Variants in PI4KB observed in about 807,000 individuals in gnomAD.
PI4KB encodes the protein phosphatidylinositol 4-kinase beta, also known as PtdIns 4-kinase beta.
PI4KB carries 23 observed loss-of-function variants against 81.4 expected under a neutral mutation model. That is an observed-to-expected ratio of 0.28 (90% CI 0.20 to 0.40). PI4KB has a LOEUF of 0.40. PI4KB is among the 10% of genes least tolerant of loss of function. The pLI is 1.00. For synonymous variants in PI4KB, 381 were observed against 406.8 expected (o/e 0.94, Z 0.76); for missense variants, 651 against 1,036.6 (o/e 0.63, Z 5.11).
Position 151,301,796 on chromosome 1 carries a change from TG to T in PI4KB, c.1749+47del. On this transcript the variant is annotated intron_variant, in intron 8 of 11. Coordinates refer to ENST00000368873, the MANE Select transcript of PI4KB (RefSeq NM_001369623.2). ...ATCCACCCGCCTCGGCCTCCCAGAG[TG>T]CTGGGATTACAGCCACTGTGCCTGG... 4 of 1,574,828 alleles carry T rather than the reference TG, an allele frequency of 2.5e-6. No individual in the cohort carries two copies. In the African/African-American group the frequency reaches 4.0e-5, roughly 16 times the overall value.
At chr1:151,326,628 G>A (rs548610480) in intron 1 of PI4KB, among the ~76,000 whole-genome samples, 57 of 152,326 alleles carry the variant, frequency 3.7e-4, no homozygotes, top group African/African-American at 1.3e-3. Context: ...TCCCAGAGAA[G>A]AGTGAGGACT....
Position 151,319,512 on chromosome 1 carries a change from G to A in PI4KB, c.-28-3003C>T, listed in dbSNP as rs113265846. Among the ~76,000 whole-genome samples, 14 of 152,254 alleles carry A rather than the reference G, an allele frequency of 9.2e-5. 1 individual carries two copies. Among genetic ancestry groups the A allele is most frequent in the African/African-American group, 3.4e-4 (14 of 41,528 alleles). On this transcript the variant is annotated intron_variant, in intron 1 of 11. Coordinates refer to ENST00000368873, the MANE Select transcript of PI4KB (RefSeq NM_001369623.2). ...AACAACTGGAGGGACAATTGAAAAGGCAAAAAGAAATCAGACTAGGACTCA... is the reference window on the plus strand; with the variant it reads ...AACAACTGGAGGGACAATTGAAAAGACAAAAAGAAATCAGACTAGGACTCA...
intron 8 of PI4KB, among the ~76,000 whole-genome samples, chr1:151,301,439 C>T (rs1405011176): frequency 1.3e-5 from 2 of 152,000 alleles, no homozygotes; most frequent in African/African-American, 4.8e-5. Flanking sequence ...GTTCTGTCGC[C>T]CAGGCTGGAG....
At position 151,315,688 on chromosome 1, in the gene PI4KB, A is replaced by G. The variant is rs1264073322; in HGVS notation, c.794T>C (p.Leu265Pro). The G allele has an allele frequency of 6.2e-7, 1 of 1,614,070 alleles. No homozygotes were observed. The highest frequency in any genetic ancestry group is 2.2e-5 in the East Asian group (1 of 44,872). ...PSLSPAPDTG[L>P]SPSKRTHQRS... The stretch of plus-strand genomic sequence containing the variant: ...CTGGTGAGTCCTTTTGGAGGGAGAC[A>G]GCCCTGTGTCAGGGGCCGGGCTCAA... Residue 265 changes from leucine (L) to proline (P), a missense_variant, in exon 2 of 12, where the codon CTG becomes CCG. Leu to Pro is a moderately conservative substitution (Grantham distance 98). Coordinates refer to ENST00000368873, the MANE Select transcript of PI4KB (RefSeq NM_001369623.2).
At chr1:151,297,517 G>A (rs1035964918) in intron 9 of PI4KB, among the ~76,000 whole-genome samples, 21 of 150,726 alleles carry the variant, frequency 1.4e-4, no homozygotes, top group African/African-American at 4.9e-4. Context: ...ATGTATGTAT[G>A]TATGTGTATG....
At chr1:151,297,866 C>T (rs1694939308) in intron 9 of PI4KB, among the ~76,000 whole-genome samples, 1 of 152,124 alleles carries the variant, frequency 6.6e-6, no homozygotes, top group East Asian at 1.9e-4. Context: ...AATGGGCCAC[C>T]ATGTTACTGG....
Position 151,310,338 on chromosome 1 carries a change from A to G in PI4KB, c.910-83T>C, listed in dbSNP as rs587595267. ...GACAAAGGTAAAGAATTTAGCTCCA[A>G]CTTGGATCGTAACTGCTTCTCTAGT... On this transcript the variant is annotated intron_variant, in intron 2 of 11. Coordinates refer to ENST00000368873, the MANE Select transcript of PI4KB (RefSeq NM_001369623.2). The G allele has an allele frequency of 6.2e-5, 55 of 887,224 alleles. No homozygotes were observed. The East Asian group carries it at 1.2e-3, about 19-fold the overall frequency. The allele number at this position is 887,224 out of a possible 1,614,324, so 55.0% of individuals were successfully genotyped here. A position where few individuals can be genotyped will look rare whatever the true frequency, so the allele number is the denominator to read the frequency against.
chr1:151,315,679 G>A lies in PI4KB; in HGVS notation c.803C>T (p.Ser268Phe). The change falls in exon 2 of 12, where the codon TCC becomes TTC. Residue 268 changes from serine to phenylalanine, a missense_variant. Ser to Phe is a radical substitution (Grantham distance 155). This residue lies in a region of PI4KB where 314 missense variants were observed against 397.8 expected (regional missense o/e 0.79). Coordinates refer to ENST00000368873, the MANE Select transcript of PI4KB (RefSeq NM_001369623.2). ...SPAPDTGLSP[S>F]KRTHQRSKSD... ...CTTAGAGCGCTGGTGAGTCCTTTTG[G>A]AGGGAGACAGCCCTGTGTCAGGGGC... 1.2e-6 allele frequency: 2 copies of A among 1,614,108 alleles called. No individual in the cohort carries two copies. Among genetic ancestry groups the A allele is most frequent in the Non-Finnish European group, 1.7e-6 (2 of 1,179,988 alleles).
intron 9 of PI4KB, chr1:151,298,458 T>A (rs1694983944): frequency 4.0e-6 from 1 of 250,490 alleles, no homozygotes; most frequent in South Asian, 5.8e-5. Context: ...CCTACTCCAC[T>A]GCCATGCAGT....
intron 1 of PI4KB, among the ~76,000 whole-genome samples, chr1:151,325,125 G>A (rs1571235596): frequency 6.6e-6 from 1 of 151,898 alleles, no homozygotes; most frequent in Admixed American, 6.6e-5. Context: ...CGGAGTAGCT[G>A]GGATTACAGA....
At chr1:151,316,937 C>T (rs1228371942) in intron 1 of PI4KB, among the ~76,000 whole-genome samples, 2 of 152,054 alleles carry the variant, frequency 1.3e-5, no homozygotes, top group Non-Finnish European at 2.9e-5. Flanking sequence ...ATTCTCCTGC[C>T]TCAGCCTCCC....
Position 151,310,209 on chromosome 1 carries a change from A to C in PI4KB, c.954+2T>G, listed in dbSNP as rs1470453791. ...ACCCCGTCCCAGCCTGGCCCCACTT[A>C]CGGAACTGAATGAATTATCAATACT... On this transcript the variant is annotated splice_donor_variant, in intron 3 of 11. Transcript: ENST00000368873. LOFTEE classifies it high-confidence loss of function. The C allele has an allele frequency of 6.2e-7, 1 of 1,606,914 alleles. No individual in the cohort carries two copies. Among genetic ancestry groups the C allele is most frequent in the Non-Finnish European group, 8.5e-7 (1 of 1,176,356 alleles).
Position 151,292,561 on chromosome 1 carries a change from T to G in PI4KB, c.*291A>C. On this transcript the variant is annotated 3_prime_UTR_variant, in exon 12 of 12. Transcript: ENST00000368873. The stretch of plus-strand genomic sequence containing the variant: ...AAGAAAGGCCCCAGTGTCCCTCACA[T>G]TTGTCACCTCTGTTTTCTGGAGGGC... The G allele has an allele frequency of 2.2e-5, 8 of 366,244 alleles. No individual in the cohort carries two copies. The highest frequency in any genetic ancestry group is 2.5e-5 in the Non-Finnish European group (5 of 199,604). The allele number at this position is 366,244 out of a possible 1,614,324, so 22.7% of individuals were successfully genotyped here.
chr1:151,327,715 GA>G, upstream of PI4KB: 1 of 240,528 alleles, frequency 4.2e-6, no homozygotes, highest in Non-Finnish European at 7.8e-6. Flanking sequence ...AGGGGGCGGG[GA>G]AAAGATGTTT....
chr1:151,311,066 G>A (rs587636687), intron 2 of PI4KB, among the ~76,000 whole-genome samples: 3 of 152,270 alleles, frequency 2.0e-5, no homozygotes, highest in East Asian at 3.9e-4. Flanking sequence ...CCAGCCCAGA[G>A]GATTTATCTA....
intron 1 of PI4KB, among the ~76,000 whole-genome samples, chr1:151,320,031 G>A (rs940984301): frequency 1.3e-5 from 2 of 152,074 alleles, no homozygotes; most frequent in Non-Finnish European, 2.9e-5. Flanking sequence ...GAAATGTTAA[G>A]GTTACTTTTT....
intron 1 of PI4KB, chr1:151,326,357 T>A (rs978652744): frequency 5.0e-6 from 3 of 600,106 alleles, no homozygotes; most frequent in Non-Finnish European, 8.8e-6. Flanking sequence ...TCTTCTTAGT[T>A]CAAGGTTTAG....
intron 2 of PI4KB, among the ~76,000 whole-genome samples, chr1:151,312,924 G>A (rs1369044748): frequency 6.6e-6 from 1 of 152,178 alleles, no homozygotes; most frequent in Non-Finnish European, 1.5e-5. Context: ...AGGCTAAGAT[G>A]GGAGGATTGC....
At chr1:151,303,459 G>C in intron 6 of PI4KB, 82 bp downstream of exon 6, 2 of 866,556 alleles carry the variant, frequency 2.3e-6, no homozygotes, top group Admixed American at 3.4e-5. Flanking sequence ...ACAGATGATT[G>C]AGATGGAGAG....
Sources: gnomAD v4.1 joint callset for allele counts (sites outside exome capture counted in the v4.1 genomes callset) on GRCh38, gnomAD v4.1.1 for gene constraint, gnomAD v4.1.1 regional missense constraint, MANE v1.5 for transcripts, NCBI Gene and HGNC (gene_info 2026-07-23, HGNC 2026-07-21) for gene names.